GPR149: variants seen among roughly 807,000 people sequenced by gnomAD.
GPR149 encodes probable G protein-coupled receptor 149.
Under a neutral mutation model 50.2 loss-of-function variants are expected in GPR149, and 50 were observed. The observed-to-expected ratio is 1.00, with a 90% CI of 0.79 to 1.26. The LOEUF (loss-of-function observed/expected upper bound fraction) is 1.26, where lower values mean the gene tolerates loss of function less well. Ranked by LOEUF, GPR149 falls within the 50% of genes most tolerant of loss-of-function variation. The pLI, the probability that GPR149 is intolerant of heterozygous loss-of-function variation, is 0.00. For synonymous variants in GPR149, 405 were observed against 358.2 expected, an observed-to-expected ratio of 1.13 and a Z score of -1.48; for missense variants, 983 against 895.4, an observed-to-expected ratio of 1.10 and a Z score of -1.25.
At chr3:154,422,330 T>A (rs764105183) in intron 2 of GPR149, among the ~76,000 whole-genome samples, 1 of 151,646 alleles carries the variant, frequency 6.6e-6, no homozygotes, top group Non-Finnish European at 1.5e-5. Context: ...ATTTTTATGT[T>A]GAATGTCATT....
chr3:154,409,317 G>A (rs1404005029), intron 3 of GPR149, among the ~76,000 whole-genome samples: 1 of 152,054 alleles, frequency 6.6e-6, no homozygotes, highest in Non-Finnish European at 1.5e-5. Flanking sequence ...GACAGAACAA[G>A]TTTCTTTAAC....
intron 3 of GPR149, chr3:154,354,319 A>T (rs1404866244): frequency 7.3e-6 from 2 of 275,604 alleles, no homozygotes; most frequent in Non-Finnish European, 1.4e-5. Flanking sequence ...GTACAGGTCT[A>T]TAATCCCTTA....
chr3:154,383,066 G>A (rs886457164), intron 3 of GPR149, among the ~76,000 whole-genome samples: 33 of 152,132 alleles, frequency 2.2e-4, no homozygotes, highest in Non-Finnish European at 4.0e-4. Flanking sequence ...GTCCATTGCT[G>A]GGGCCAGCCT....
At chr3:154,404,743 A>C (rs1711636145) in intron 3 of GPR149, among the ~76,000 whole-genome samples, 1 of 152,176 alleles carries the variant, frequency 6.6e-6, no homozygotes, top group Non-Finnish European at 1.5e-5. Flanking sequence ...TCATCTGTAA[A>C]ATTGAGTAAC....
Position 154,370,628 on chromosome 3 carries a change from T to A in GPR149, c.1624-32357A>T, listed in dbSNP as rs571207993. 7.2e-5 allele frequency among the ~76,000 whole-genome samples: 11 copies of A among 152,186 alleles called. No individual in the cohort carries two copies. In the South Asian group the frequency reaches 2.1e-3, roughly 29 times the overall value. On this transcript the variant is annotated intron_variant, in intron 3 of 3. Coordinates refer to ENST00000389740, the MANE Select transcript of GPR149 (RefSeq NM_001038705.3). ...ATTCAGCAACAGGACTGAATGTGCC[T>A]GGGGCAAGTGCCAGCTCATGCCATC...
intron 2 of GPR149, 36 bp downstream of exon 2, chr3:154,427,480 A>C: frequency 6.4e-7 from 1 of 1,553,220 alleles, no homozygotes. Context: ...CACCTAATGC[A>C]TATTGCTGCC....
chr3:154,421,192 A>G lies in GPR149; in HGVS notation c.1470T>C (p.Asp490=). The G allele has an allele frequency of 6.2e-7, 1 of 1,613,504 alleles. No individual in the cohort carries two copies. Among genetic ancestry groups the G allele is most frequent in the Non-Finnish European group, 8.5e-7 (1 of 1,179,616 alleles). The change falls in exon 3 of 4, where the codon GAT becomes GAC. Residue 490 remains aspartate (D), a synonymous_variant. Coordinates refer to ENST00000389740, the MANE Select transcript of GPR149 (RefSeq NM_001038705.3). ...CACCTCCTGTTTTGTCAGAAAACGCATCCTTTTTGTTGTTGGAATCCTGTT... is the reference window on the plus strand; with the variant it reads ...CACCTCCTGTTTTGTCAGAAAACGCGTCCTTTTTGTTGTTGGAATCCTGTT... ...EAKQDSNNKK[D]AFSDKTGGDI...
chr3:154,396,918 ATTG>A (rs914790178), intron 3 of GPR149, among the ~76,000 whole-genome samples: 5 of 151,216 alleles, frequency 3.3e-5, no homozygotes, highest in South Asian at 4.2e-4. Flanking sequence ...ATTTTTTGTC[ATTG>A]TTGTTGTTGT....
chr3:154,417,503 C>A lies in GPR149; in HGVS notation c.1623+3536G>T, dbSNP rs114802104. On this transcript the variant is annotated intron_variant, in intron 3 of 3. Coordinates refer to ENST00000389740, the MANE Select transcript of GPR149 (RefSeq NM_001038705.3). ...TATTGTAGAAATAAAAGAGAGCTCACTAAATATGTTTAAAATCAAATCTGC... is the reference window on the plus strand; with the variant it reads ...TATTGTAGAAATAAAAGAGAGCTCAATAAATATGTTTAAAATCAAATCTGC... Among the ~76,000 whole-genome samples the A allele has an allele frequency of 7.5e-3, 1,136 of 152,060 alleles. 5 individuals are homozygous for A. Among genetic ancestry groups the A allele is most frequent in the Non-Finnish European group, 0.012 (845 of 67,942 alleles).
chr3:154,355,624 T>C (rs1714201532), intron 3 of GPR149, among the ~76,000 whole-genome samples: 3 of 152,178 alleles, frequency 2.0e-5, no homozygotes, highest in Admixed American at 2.0e-4. Flanking sequence ...TAAAAGAGGA[T>C]AAACTAGCTT....
At chr3:154,373,604 A>G (rs1714717580) in intron 3 of GPR149, among the ~76,000 whole-genome samples, 1 of 152,328 alleles carries the variant, frequency 6.6e-6, no homozygotes, top group Admixed American at 6.5e-5. Context: ...TTTTTGTTCA[A>G]GGAAATATGG....
rs1711543200 is a variant in GPR149 at position 154,401,065 on chromosome 3, G to A, written c.1623+19974C>T. Among the ~76,000 whole-genome samples the A allele has an allele frequency of 2.0e-5, 3 of 152,166 alleles. No homozygotes were observed. In the South Asian group the frequency reaches 6.2e-4, roughly 31 times the overall value. On this transcript the variant is annotated intron_variant, in intron 3 of 3. Coordinates refer to ENST00000389740, the MANE Select transcript of GPR149 (RefSeq NM_001038705.3). ...GTATGATTCATGAGAGAAGAAAGCT[G>A]TTTCAAATTTTATCTTTATCTTAAA...
At chr3:154,372,844 G>A (rs988171006) in intron 3 of GPR149, among the ~76,000 whole-genome samples, 3 of 152,192 alleles carry the variant, frequency 2.0e-5, no homozygotes, top group African/African-American at 7.2e-5. Flanking sequence ...GCAACTGAAT[G>A]ATGATGGTAT....
intron 3 of GPR149, chr3:154,353,380 G>A: frequency 1.5e-6 from 2 of 1,352,646 alleles, no homozygotes; most frequent in South Asian, 1.2e-5. Flanking sequence ...GTCTGAGGAT[G>A]GTCTTCAGAT....
intron 3 of GPR149, among the ~76,000 whole-genome samples, chr3:154,349,183 G>T (rs1340086437): frequency 1.3e-5 from 2 of 152,114 alleles, no homozygotes; most frequent in East Asian, 1.9e-4. Flanking sequence ...CAATAGTCTA[G>T]CCTCCCACCT....
intron 3 of GPR149, among the ~76,000 whole-genome samples, chr3:154,382,785 A>C (rs1222613730): frequency 6.6e-6 from 1 of 152,196 alleles, no homozygotes; most frequent in Non-Finnish European, 1.5e-5. Context: ...TATTGTTTTA[A>C]TTTAATATAC....
intron 2 of GPR149, among the ~76,000 whole-genome samples, chr3:154,425,796 G>A (rs959616005): frequency 2.6e-5 from 4 of 152,098 alleles, no homozygotes; most frequent in Non-Finnish European, 5.9e-5. Flanking sequence ...GATTCTGCTA[G>A]CCTGCCGTAA....
In GPR149 at chr3:154,392,310, A is replaced by G. The variant is rs150700362; in HGVS notation, c.1623+28729T>C. 1.1e-3 allele frequency among the ~76,000 whole-genome samples: 173 copies of G among 152,008 alleles called. 1 individual carries two copies. The highest frequency in any genetic ancestry group is 4.0e-3 in the African/African-American group (168 of 41,554). ...CAACTAAACACACCTTGAACAACTAATGGGTCAAGGAAGAAATCAAAAGGA... is the reference window on the plus strand; with the variant it reads ...CAACTAAACACACCTTGAACAACTAGTGGGTCAAGGAAGAAATCAAAAGGA... On this transcript the variant is annotated intron_variant, in intron 3 of 3. Coordinates refer to ENST00000389740, the MANE Select transcript of GPR149 (RefSeq NM_001038705.3).
chr3:154,391,800 C>T (rs1359574275), intron 3 of GPR149, among the ~76,000 whole-genome samples: 1 of 151,530 alleles, frequency 6.6e-6, no homozygotes, highest in African/African-American at 2.4e-5. Flanking sequence ...TTTAAGGACA[C>T]ATATAGGCCA....
Sources: gnomAD v4.1 joint callset for allele counts (sites outside exome capture counted in the v4.1 genomes callset) on GRCh38, gnomAD v4.1.1 for gene constraint, MANE v1.5 for transcripts, NCBI Gene and HGNC (gene_info 2026-07-23, HGNC 2026-07-21) for gene names.